The following DENND4C variants were observed in gnomAD, a reference collection of about 807,000 sequenced individuals.
DENND4C encodes the protein DENN domain-containing protein 4C.
A neutral mutation model predicts 203.0 loss-of-function variants in DENND4C; 108 were observed. The ratio of observed to expected loss-of-function variants is 0.53; its 90% confidence interval spans 0.46 to 0.62. The LOEUF is 0.62. Among genes scored for constraint, DENND4C ranks in the 20% least tolerant of loss-of-function variants. The pLI is 0.00. For missense variants in DENND4C, 2,481 were observed against 2,301.2 expected, an observed-to-expected ratio of 1.08 and a Z score of -1.60; for synonymous variants, 871 against 792.4, an observed-to-expected ratio of 1.10 and a Z score of -1.67.
At chr9:19,353,489 G>A (rs183313888) in intron 26 of DENND4C, among the ~76,000 whole-genome samples, 126 of 152,038 alleles carry the variant, frequency 8.3e-4, no homozygotes, top group African/African-American at 2.8e-3. Context: ...TTAGCCAGGT[G>A]TGGCGGCGTG....
chr9:19,366,356 C>T (rs1023572028), intron 30 of DENND4C, among the ~76,000 whole-genome samples: 2 of 152,218 alleles, frequency 1.3e-5, no homozygotes, highest in African/African-American at 4.8e-5. Flanking sequence ...AATCCCAGCA[C>T]TTTGGGAGGC....
In DENND4C at chr9:19,346,168, G is replaced by T; in HGVS notation, c.3399G>T (p.Leu1133Phe). Residue 1133 changes from leucine to phenylalanine, a missense_variant, in exon 23 of 33, where the codon TTG (leucine) becomes TTT (phenylalanine). By Grantham distance (22) the Leu-to-Phe change is conservative (BLOSUM62 0). Coordinates refer to ENST00000434457, the MANE Select transcript of DENND4C (RefSeq NM_001330640.2). ...GADAKILTAA[L>F]TCPKTSLLHI... The stretch of plus-strand genomic sequence containing the variant: ...ATGCCAAGATTCTCACAGCAGCATT[G>T]ACATGTCCTAAGACTTCTCTACTTC... 6.2e-7 allele frequency: 1 copy of T among 1,614,202 alleles called. No individual in the cohort carries two copies. The highest frequency in any genetic ancestry group is 1.1e-5 in the South Asian group (1 of 91,064).
intron 1 of DENND4C, among the ~76,000 whole-genome samples, chr9:19,251,910 C>G (rs10964067): frequency 0.013 from 2,032 of 152,262 alleles, 40 homozygotes; most frequent in African/African-American, 0.047. Flanking sequence ...TCCAAACTTT[C>G]CCACATTTTC....
At chr9:19,300,595 C>T (rs992317458) in intron 9 of DENND4C, among the ~76,000 whole-genome samples, 2 of 152,144 alleles carry the variant, frequency 1.3e-5, no homozygotes, top group African/African-American at 4.8e-5. Flanking sequence ...AGAGTAAAAA[C>T]TATATGATTA....
Position 19,305,702 on chromosome 9 carries a change from G to GA in DENND4C, c.1487+184dup, listed in dbSNP as rs541548793. Reference sequence around the variant, plus strand: ...AATCTGGGAATGCTGTGTGATTTGGGAAAAAAAAATGTTCAGTATTATAAT... The same window carrying GA: ...AATCTGGGAATGCTGTGTGATTTGGGAAAAAAAAAATGTTCAGTATTATAAT... On this transcript the variant is annotated intron_variant, in intron 10 of 32. Coordinates refer to ENST00000434457, the MANE Select transcript of DENND4C (RefSeq NM_001330640.2). 4.5e-4 allele frequency among the ~76,000 whole-genome samples: 68 copies of GA among 150,200 alleles called. 1 individual carries two copies. In the South Asian group the frequency reaches 0.012, roughly 25 times the overall value.
In DENND4C at chr9:19,341,782, A is replaced by G. The variant is rs1821712358; in HGVS notation, c.3004+668A>G. Among the ~76,000 whole-genome samples the G allele has an allele frequency of 1.3e-5, 2 of 152,210 alleles. 1 individual carries two copies. The highest frequency in any genetic ancestry group is 4.8e-5 in the African/African-American group (2 of 41,464). On this transcript the variant is annotated intron_variant, in intron 21 of 32. Coordinates refer to ENST00000434457, the MANE Select transcript of DENND4C (RefSeq NM_001330640.2). ...TTTAATTCTAAAAGGCTCTTTCACT[A>G]GCAGTCCTTCAAATATCTAGGTGCA...
Position 19,279,398 on chromosome 9 carries a change from G to A in DENND4C, c.305+2919G>A, listed in dbSNP as rs547539316. ...TAAAAATAAAAATGAGCAAGGGCCCGGTGTGGTGGTTCACGCCTGTAATCC... is the reference window on the plus strand; with the variant it reads ...TAAAAATAAAAATGAGCAAGGGCCCAGTGTGGTGGTTCACGCCTGTAATCC... On this transcript the variant is annotated intron_variant, in intron 2 of 32. Transcript: ENST00000434457. Among the ~76,000 whole-genome samples the A allele has an allele frequency of 3.7e-3, 560 of 150,880 alleles. 3 individuals are homozygous for A. The highest frequency in any genetic ancestry group is 6.0e-3 in the Non-Finnish European group (405 of 67,692).
chr9:19,277,627 T>G (rs1386884860), intron 2 of DENND4C, among the ~76,000 whole-genome samples: 2 of 151,796 alleles, frequency 1.3e-5, no homozygotes, highest in Non-Finnish European at 2.9e-5. Flanking sequence ...TACTCCTTCC[T>G]TTGCAGTTTG....
At chr9:19,273,143 A>G (rs1481952290) in intron 1 of DENND4C, among the ~76,000 whole-genome samples, 1 of 151,724 alleles carries the variant, frequency 6.6e-6, no homozygotes, top group Non-Finnish European at 1.5e-5. Context: ...TAGTAGAGAC[A>G]GAGTTTCACT....
At chr9:19,240,605 G>T (rs1321891179) in intron 1 of DENND4C, among the ~76,000 whole-genome samples, 1 of 151,514 alleles carries the variant, frequency 6.6e-6, no homozygotes, top group East Asian at 1.9e-4. Context: ...CACGGAGGTT[G>T]CAGTGAGCCG....
At position 19,326,228 on chromosome 9, in the gene DENND4C, A is replaced by T. The variant is rs114163004; in HGVS notation, c.2120+34A>T. 1,779 of 1,568,670 alleles carry T rather than the reference A, an allele frequency of 1.1e-3. 19 individuals carry two copies. The African/African-American group carries it at 0.021, about 19-fold the overall frequency. ...AAGTTTTAAAAGAGCTTAATGGCAC[A>T]GCCTATCAGTTTCTTTTAATTTTTA... On this transcript the variant is annotated intron_variant, in intron 15 of 32. Coordinates refer to ENST00000434457, the MANE Select transcript of DENND4C (RefSeq NM_001330640.2).
intron 10 of DENND4C, among the ~76,000 whole-genome samples, chr9:19,307,127 G>T (rs1839838870): frequency 1.3e-5 from 2 of 152,038 alleles, no homozygotes; most frequent in Admixed American, 6.6e-5. Context: ...CCCAGGTGTA[G>T]TGTCTCACAC....
chr9:19,282,340 C>T (rs1237620929), intron 2 of DENND4C, among the ~76,000 whole-genome samples: 1 of 151,104 alleles, frequency 6.6e-6, no homozygotes, highest in Admixed American at 6.6e-5. Context: ...ACTGCAGCCT[C>T]CACCTCCTGG....
intron 2 of DENND4C, among the ~76,000 whole-genome samples, chr9:19,281,324 T>G (rs1833999205): frequency 6.6e-6 from 1 of 152,184 alleles, no homozygotes; most frequent in South Asian, 2.1e-4. Context: ...GGTTAATATT[T>G]CTCTCCAGAT....
chr9:19,298,212 G>A (rs892195229), intron 7 of DENND4C, 90 bp downstream of exon 7: 27 of 1,170,822 alleles, frequency 2.3e-5, no homozygotes, highest in Non-Finnish European at 3.2e-5. Flanking sequence ...TGGGTTTGAG[G>A]TGGAGCAATA....
intron 12 of DENND4C, 71 bp from the exon 13 acceptor site, chr9:19,324,291 A>C (rs531751233): frequency 5.9e-6 from 7 of 1,179,126 alleles, no homozygotes; most frequent in Non-Finnish European, 8.3e-6. Context: ...AGATAAGTAC[A>C]AGTTTAATGT....
chr9:19,325,390 T>C (rs1171990197), intron 13 of DENND4C, among the ~76,000 whole-genome samples: 1 of 152,278 alleles, frequency 6.6e-6, no homozygotes, highest in Non-Finnish European at 1.5e-5. Flanking sequence ...TTGGGGCCAA[T>C]TGTTTATGCA....
At chr9:19,290,434 A>G (rs949988440) in intron 4 of DENND4C, among the ~76,000 whole-genome samples, 1 of 152,232 alleles carries the variant, frequency 6.6e-6, no homozygotes, top group Non-Finnish European at 1.5e-5. Context: ...AAGAAAATAC[A>G]TTAAGATTGG....
chr9:19,336,522 C>A, intron 19 of DENND4C, 108 bp downstream of exon 19: 1 of 1,445,964 alleles, frequency 6.9e-7, no homozygotes, highest in Non-Finnish European at 9.2e-7. Context: ...TAGACATTTT[C>A]ACATACATTT....
Sources: allele counts gnomAD v4.1 joint callset (sites outside exome capture counted in the v4.1 genomes callset), GRCh38; gene constraint gnomAD v4.1.1; transcripts MANE v1.5; gene names NCBI Gene and HGNC (gene_info 2026-07-23, HGNC 2026-07-21).